The following STXBP5 variants were observed in gnomAD, a reference collection of about 807,000 sequenced individuals.
The protein encoded by STXBP5 is syntaxin-binding protein 5.
In STXBP5, 50 loss-of-function variants were observed where a neutral mutation model predicts 152.4. That is an observed-to-expected ratio of 0.33 (90% CI 0.26 to 0.42). STXBP5 has a LOEUF of 0.42. STXBP5 is among the 10% of genes least tolerant of loss of function. The probability of loss-of-function intolerance (pLI) is 1.00; values close to 1 mark genes in which losing one functional copy is unlikely to be tolerated. For synonymous variants in STXBP5, 492 were observed against 494.7 expected, an observed-to-expected ratio of 0.99 and a Z score of 0.07; for missense variants, 1,167 against 1,388.6, an observed-to-expected ratio of 0.84 and a Z score of 2.54.
intron 26 of STXBP5, among the ~76,000 whole-genome samples, chr6:147,375,414 T>C (rs956037178): frequency 1.3e-5 from 2 of 151,966 alleles, no homozygotes; most frequent in Non-Finnish European, 2.9e-5. Context: ...ACCCAATAGA[T>C]AGGCTTAACT....
intron 16 of STXBP5, among the ~76,000 whole-genome samples, chr6:147,323,923 A>G (rs1426715885): frequency 2.0e-5 from 3 of 152,110 alleles, no homozygotes; most frequent in Admixed American, 6.5e-5. Context: ...AAGACCCTCT[A>G]AAGTCTGGCC....
chr6:147,339,124 T>G, intron 19 of STXBP5, 55 bp from the exon 20 acceptor site: 1 of 1,403,466 alleles, frequency 7.1e-7, no homozygotes, highest in African/African-American at 1.5e-5. Context: ...TTGTTACAGC[T>G]CAGTATTTAT....
In STXBP5 at chr6:147,384,833, A is replaced by G; in HGVS notation, c.*78A>G. 1 of 1,396,126 alleles carries G rather than the reference A, an allele frequency of 7.2e-7. No individual in the cohort carries two copies. Among genetic ancestry groups the G allele is most frequent in the Non-Finnish European group, 1.0e-6 (1 of 992,368 alleles). 86.5% of individuals were successfully genotyped at this position (1,396,126 alleles called of 1,614,324 possible). A position where few individuals can be genotyped will look rare whatever the true frequency, so the allele number is the denominator to read the frequency against. ...TTTTATTACATTCTTTAGGAAAGTT[A>G]ACGTTAAAGGGATGTTCGTCACTGA... On this transcript the variant is annotated 3_prime_UTR_variant, in exon 28 of 28. Transcript: ENST00000321680.
At chr6:147,237,977 G>T (rs562689940) in intron 3 of STXBP5, among the ~76,000 whole-genome samples, 6 of 152,098 alleles carry the variant, frequency 3.9e-5, no homozygotes, top group Non-Finnish European at 7.4e-5. Flanking sequence ...TAATAAATCA[G>T]CTCTAGTCTA....
chr6:147,357,960 T>G (rs1478342558), intron 22 of STXBP5, among the ~76,000 whole-genome samples: 1 of 152,072 alleles, frequency 6.6e-6, no homozygotes, highest in Non-Finnish European at 1.5e-5. Context: ...GAGACAAGCT[T>G]GGGATTAGCA....
chr6:147,322,763 A>C (rs1783001411), intron 16 of STXBP5, among the ~76,000 whole-genome samples: 1 of 152,252 alleles, frequency 6.6e-6, no homozygotes, highest in Non-Finnish European at 1.5e-5. Flanking sequence ...CAATAAAAGC[A>C]GTCACACACT....
In STXBP5 at chr6:147,379,107, G is replaced by GAA. The variant is rs34796123; in HGVS notation, c.3194-3660_3194-3659dup. ...AGCCACATCTGTCTGCCCACAGCTG[G>GAA]AAAAAAAAAAAACTCTTTGCTTTTA... On this transcript the variant is annotated intron_variant, in intron 26 of 27. Transcript: ENST00000321680. Among the ~76,000 whole-genome samples the GAA allele has an allele frequency of 5.1e-3, 752 of 148,526 alleles. 3 individuals carry two copies. The highest frequency in any genetic ancestry group is 7.2e-3 in the Non-Finnish European group (479 of 66,904).
Position 147,288,001 on chromosome 6 carries a change from A to G in STXBP5, c.839-3093A>G, listed in dbSNP as rs898108188. On this transcript the variant is annotated intron_variant, in intron 8 of 27. Coordinates refer to ENST00000321680, the MANE Select transcript of STXBP5 (RefSeq NM_001127715.4). Reference sequence around the variant, plus strand: ...CTCAGGATCTCAAAGTCGGCCAGAAATGAGTGACTGGGGCCTTCTCCTTTC... The same window carrying G: ...CTCAGGATCTCAAAGTCGGCCAGAAGTGAGTGACTGGGGCCTTCTCCTTTC... 3.9e-5 allele frequency among the ~76,000 whole-genome samples: 6 copies of G among 152,010 alleles called. No homozygotes were observed. The East Asian group carries it at 1.2e-3, about 30-fold the overall frequency.
chr6:147,217,866 CA>C (rs2115067559), intron 2 of STXBP5, among the ~76,000 whole-genome samples: 1 of 152,220 alleles, frequency 6.6e-6, no homozygotes, highest in Non-Finnish European at 1.5e-5. Flanking sequence ...TTGATGTGCA[CA>C]TTTTTCATGG....
intron 21 of STXBP5, among the ~76,000 whole-genome samples, chr6:147,344,005 C>G (rs1158853448): frequency 6.6e-6 from 1 of 152,126 alleles, no homozygotes; most frequent in Non-Finnish European, 1.5e-5. Flanking sequence ...AAAATTATTT[C>G]TTGCCCTTAA....
At chr6:147,207,206 A>G (rs2115014281) in intron 2 of STXBP5, among the ~76,000 whole-genome samples, 1 of 152,308 alleles carries the variant, frequency 6.6e-6, no homozygotes, top group Middle Eastern at 3.4e-3. Flanking sequence ...GTACTATGTG[A>G]TACATACAAA....
chr6:147,266,960 T>G, intron 6 of STXBP5, 124 bp from the exon 7 acceptor site: 2 of 787,544 alleles, frequency 2.5e-6, no homozygotes, highest in Non-Finnish European at 4.2e-6. Context: ...AATGCAGATG[T>G]TTGTTTATAT....
chr6:147,270,163 C>G (rs1410060064), intron 7 of STXBP5, among the ~76,000 whole-genome samples: 2 of 152,052 alleles, frequency 1.3e-5, no homozygotes, highest in Non-Finnish European at 2.9e-5. Context: ...CTTTGGGAGG[C>G]CAAGGCGGGC....
intron 27 of STXBP5, 58 bp downstream of exon 27, chr6:147,383,056 T>A (rs1329596456): frequency 8.3e-6 from 13 of 1,558,078 alleles, no homozygotes; most frequent in South Asian, 1.1e-5. Context: ...AGTGTGAATG[T>A]TACTTTATTT....
At chr6:147,230,139 G>A (rs906180459) in intron 2 of STXBP5, among the ~76,000 whole-genome samples, 1 of 151,810 alleles carries the variant, frequency 6.6e-6, no homozygotes, top group Non-Finnish European at 1.5e-5. Flanking sequence ...GTATTCTAAC[G>A]TCGTGTATGC....
rs762145526 is a variant in STXBP5, at chr6:147,239,192, C to A, written c.353C>A (p.Ala118Asp). The change falls in exon 4 of 28, where the codon GCT (alanine) becomes GAT (aspartate). Residue 118 changes from alanine to aspartate, a missense_variant. This residue lies in a region of STXBP5 where 310 missense variants were observed against 346.1 expected (regional missense o/e 0.90). Transcript: ENST00000321680. Reference protein sequence around the residue: ...INEGALVSALADDTLHLWNLR... With the variant: ...INEGALVSALDDDTLHLWNLR... ...AAGGGAGCGCTTGTGAGTGCCTTGG[C>A]TGATGACACCTTACACTTATGGAAT... is the stretch of plus-strand genomic sequence containing the variant. 6.2e-7 allele frequency: 1 copy of A among 1,613,400 alleles called. No homozygotes were observed. The highest frequency in any genetic ancestry group is 8.5e-7 in the Non-Finnish European group (1 of 1,179,588).
intron 2 of STXBP5, among the ~76,000 whole-genome samples, chr6:147,206,389 T>C (rs2115009782): frequency 6.6e-6 from 1 of 152,330 alleles, no homozygotes; most frequent in South Asian, 2.1e-4. Context: ...GTGTGATGAA[T>C]GAGGTATGTT....
At chr6:147,363,737 T>G (rs137896479) in intron 24 of STXBP5, 33 bp downstream of exon 24, 23 of 1,563,360 alleles carry the variant, frequency 1.5e-5, no homozygotes, top group Non-Finnish European at 1.9e-5. Context: ...AACACAGATA[T>G]AGCATTTCCT....
At chr6:147,325,148 A>C in intron 17 of STXBP5, 64 bp downstream of exon 17, 1 of 1,319,440 alleles carries the variant, frequency 7.6e-7, no homozygotes, top group South Asian at 2.6e-5. Context: ...TTTTGTTTTT[A>C]AAAATAGAAA....
Sources: allele counts gnomAD v4.1 joint callset (sites outside exome capture counted in the v4.1 genomes callset), GRCh38; gene constraint gnomAD v4.1.1; regional missense constraint gnomAD v4.1.1; transcripts MANE v1.5; gene names NCBI Gene and HGNC (gene_info 2026-07-23, HGNC 2026-07-21).